Variants in OPA1 observed in about 807,000 individuals in gnomAD.
The protein encoded by OPA1 is dynamin-like GTPase OPA1, mitochondrial.
Under a neutral mutation model 152.9 loss-of-function variants are expected in OPA1, and 59 were observed. The ratio of observed to expected loss-of-function variants is 0.39; its 90% CI spans 0.31 to 0.48. The LOEUF (loss-of-function observed/expected upper bound fraction) is 0.48. OPA1 is among the 20% of genes least tolerant of loss of function. The probability of loss-of-function intolerance (pLI) is 0.96; values close to 1 mark genes in which losing one functional copy is unlikely to be tolerated. For synonymous variants in OPA1, 400 were observed against 389.9 expected, an observed-to-expected ratio of 1.03 and a Z score of -0.31; for missense variants, 1,008 against 1,216.8, an observed-to-expected ratio of 0.83 and a Z score of 2.55.
intron 1 of OPA1, among the ~76,000 whole-genome samples, chr3:193,595,423 T>G (rs890762621): frequency 2.0e-4 from 30 of 152,246 alleles, no homozygotes; most frequent in Non-Finnish European, 4.4e-4. Flanking sequence ...AGTAGATTTC[T>G]GGGGGAAACC....
At chr3:193,627,383 G>A (rs1560347530) in intron 7 of OPA1, 1 of 152,154 alleles carries the variant, frequency 6.6e-6, no homozygotes, top group Non-Finnish European at 1.5e-5. Flanking sequence ...TAAAGTCGAT[G>A]TGTTAAGCCA....
At chr3:193,685,749 TAAA>T (rs1720851166) in intron 29 of OPA1, among the ~76,000 whole-genome samples, 1 of 152,066 alleles carries the variant, frequency 6.6e-6, no homozygotes, top group Admixed American at 6.6e-5. Flanking sequence ...ATCCAATAAA[TAAA>T]AAGATACTAA....
At chr3:193,642,641 C>T in intron 11 of OPA1, 124 bp from the exon 12 acceptor site, 1 of 737,216 alleles carries the variant, frequency 1.4e-6, no homozygotes, top group Non-Finnish European at 2.4e-6. Context: ...GGTGCCCCAG[C>T]AGTAGTGTGA....
intron 29 of OPA1, among the ~76,000 whole-genome samples, chr3:193,670,274 G>C (rs994810616): frequency 1.3e-5 from 2 of 152,138 alleles, no homozygotes; most frequent in Non-Finnish European, 2.9e-5. Context: ...TACAGTTTCA[G>C]CCTGTTACAG....
intron 1 of OPA1, among the ~76,000 whole-genome samples, chr3:193,596,647 T>C (rs1725643117): frequency 6.6e-6 from 1 of 152,200 alleles, no homozygotes; most frequent in Admixed American, 6.5e-5. Flanking sequence ...AAGACATGTT[T>C]AATTCTGTAC....
intron 29 of OPA1, among the ~76,000 whole-genome samples, chr3:193,677,135 T>A (rs981993168): frequency 2.0e-5 from 3 of 152,072 alleles, no homozygotes; most frequent in Non-Finnish European, 2.9e-5. Context: ...ACTCAAGTTT[T>A]AACTGATTAA....
intron 3 of OPA1, 125 bp from the exon 4 acceptor site, chr3:193,617,053 G>GT (rs1276681062): frequency 1.5e-6 from 1 of 651,470 alleles, no homozygotes; most frequent in African/African-American, 1.8e-5. Context: ...AAATGGTGTT[G>GT]ATAATAGTAG....
rs1279445584 is a variant in OPA1 at position 193,694,978 on chromosome 3, G to A, written c.*378G>A. On this transcript the variant is annotated 3_prime_UTR_variant, in exon 31 of 31. Coordinates refer to ENST00000361510, the MANE Select transcript of OPA1 (RefSeq NM_130837.3). ...TCAGTTTCTTTTCCAGAAATACAAT[G>A]CTAGGTGTTTTGAAATAAAACTTAT... 6.6e-6 allele frequency: 1 copy of A among 152,154 alleles called. No individual in the cohort carries two copies. Among genetic ancestry groups the A allele is most frequent in the East Asian group, 1.9e-4 (1 of 5,202 alleles). The allele number at this position is 152,154 out of a possible 1,614,324, so 9.4% of individuals were successfully genotyped here. A position where few individuals can be genotyped will look rare whatever the true frequency, so the allele number is the denominator to read the frequency against.
rs887582836 is a variant in OPA1, at chr3:193,617,351, A to C, written c.556+66A>C. The C allele has an allele frequency of 7.9e-6, 7 of 890,504 alleles. No individual in the cohort carries two copies. The Admixed American group carries it at 1.0e-4, about 13-fold the overall frequency. The allele number at this position is 890,504 out of a possible 1,614,324, so 55.2% of individuals were successfully genotyped here. ...ACCATGGAGGAAAAATACATGGATT[A>C]TTTGTTTATTCCCATTTTTTTAAAA... On this transcript the variant is annotated intron_variant, in intron 4 of 30. Coordinates refer to ENST00000361510, the MANE Select transcript of OPA1 (RefSeq NM_130837.3).
intron 3 of OPA1, among the ~76,000 whole-genome samples, chr3:193,616,867 C>CA (rs982747558): frequency 5.0e-4 from 76 of 151,950 alleles, no homozygotes; most frequent in Admixed American, 2.6e-4. Flanking sequence ...AATCCATTTG[C>CA]AAAAAAAGCA....
At chr3:193,605,678 TTC>T (rs981774850) in intron 1 of OPA1, among the ~76,000 whole-genome samples, 4 of 152,184 alleles carry the variant, frequency 2.6e-5, no homozygotes, top group Admixed American at 6.5e-5. Flanking sequence ...TTAAGATTAT[TTC>T]TGTTTCTGAG....
intron 1 of OPA1, among the ~76,000 whole-genome samples, chr3:193,595,402 A>G (rs190707296): frequency 2.8e-4 from 43 of 152,352 alleles, no homozygotes; most frequent in Admixed American, 1.2e-3. Flanking sequence ...GTGATAGTCA[A>G]TGAACAAGAG....
At chr3:193,691,127 G>A (rs554591917) in intron 29 of OPA1, among the ~76,000 whole-genome samples, 3 of 152,244 alleles carry the variant, frequency 2.0e-5, no homozygotes, top group South Asian at 2.1e-4. Context: ...AGGCCAAGGC[G>A]GGAGGATCAC....
chr3:193,644,378 T>C (rs888854069), intron 16 of OPA1, among the ~76,000 whole-genome samples: 2 of 152,150 alleles, frequency 1.3e-5, no homozygotes, highest in Non-Finnish European at 2.9e-5. Context: ...TGTTAGAGAC[T>C]CAGCTCCTAA....
chr3:193,655,376 A>G (rs909344384), intron 22 of OPA1, among the ~76,000 whole-genome samples: 1 of 152,220 alleles, frequency 6.6e-6, no homozygotes, highest in Non-Finnish European at 1.5e-5. Flanking sequence ...GATTATAGAG[A>G]TTCCATAAAG....
At chr3:193,670,606 T>C (rs987937816) in intron 29 of OPA1, among the ~76,000 whole-genome samples, 1 of 152,090 alleles carries the variant, frequency 6.6e-6, no homozygotes, top group African/African-American at 2.4e-5. Context: ...GACCTCATGA[T>C]CCGCCCGCCT....
rs553165875 is a variant in OPA1, at chr3:193,614,616, T to G, written c.33-107T>G. ...GTGAACTATTGTGTGACATTGTGGTTAGTCACGTATGGGGCTGTGTTTCCT... is the reference window on the plus strand; with the variant it reads ...GTGAACTATTGTGTGACATTGTGGTGAGTCACGTATGGGGCTGTGTTTCCT... On this transcript the variant is annotated intron_variant, in intron 1 of 30. Transcript: ENST00000361510. 1.9e-4 allele frequency: 153 copies of G among 809,376 alleles called. No individual in the cohort carries two copies. The East Asian group carries it at 2.8e-3, about 15-fold the overall frequency. The allele number at this position is 809,376 out of a possible 1,614,324, so 50.1% of individuals were successfully genotyped here. A position where few individuals can be genotyped will look rare whatever the true frequency, so the allele number is the denominator to read the frequency against.
rs1361677913 is a variant in OPA1 at position 193,615,026 on chromosome 3, C to T, written c.336C>T (p.Gly112=). 1 of 1,613,566 alleles carries T rather than the reference C, an allele frequency of 6.2e-7. No homozygotes were observed. The highest frequency in any genetic ancestry group is 1.3e-5 in the African/African-American group (1 of 74,920). Residue 112 remains glycine (G), a synonymous_variant, in exon 2 of 31, where the codon GGC becomes GGT. Transcript: ENST00000361510. ...TACTAGGATCGGCTGTTGGGGGTGGCTACACAGCCAAAAAGGTGAACTTGA... is the reference window on the plus strand; with the variant it reads ...TACTAGGATCGGCTGTTGGGGGTGGTTACACAGCCAAAAAGGTGAACTTGA... ...YLILGSAVGG[G]YTAKKTFDQW...
chr3:193,690,323 C>G (rs1721507837), intron 29 of OPA1, among the ~76,000 whole-genome samples: 1 of 110,622 alleles, frequency 9.0e-6, no homozygotes, highest in African/African-American at 3.6e-5. Context: ...CCCCACCCCA[C>G]ACACACACAG....
Sources: allele counts gnomAD v4.1 joint callset (sites outside exome capture counted in the v4.1 genomes callset), GRCh38; gene constraint gnomAD v4.1.1; transcripts MANE v1.5; gene names NCBI Gene and HGNC (gene_info 2026-07-23, HGNC 2026-07-21).